The following POC1A variants were observed in gnomAD, a reference collection of about 807,000 sequenced individuals.
The protein encoded by POC1A is POC1 centriolar protein A, also known as POC1 centriolar protein homolog A.
Under a neutral mutation model 47.8 loss-of-function variants are expected in POC1A, and 34 were observed. That is an observed-to-expected ratio of 0.71 (90% CI 0.54 to 0.95). The LOEUF (loss-of-function observed/expected upper bound fraction) is 0.95, where lower values mean the gene tolerates loss of function less well. Among genes scored for constraint, POC1A ranks in the 40% least tolerant of loss-of-function variants. The pLI is 0.00. For missense variants in POC1A, 466 were observed against 528.3 expected (o/e 0.88, Z 1.16); for synonymous variants, 177 against 207.6 (o/e 0.85, Z 1.27).
intron 7 of POC1A, among the ~76,000 whole-genome samples, chr3:52,128,735 T>A (rs542402224): frequency 6.6e-6 from 1 of 152,308 alleles, no homozygotes; most frequent in East Asian, 1.9e-4. Flanking sequence ...TCAAACACCA[T>A]GATCTAGACA....
In POC1A at chr3:52,084,699, G is replaced by A. The variant is rs1166490242; in HGVS notation, c.1126-8714C>T. ...CTCTGGGGCAGCCCCTCTTCCCAGGGGCCTCCTGCTCACCTTGGCCAGGGC... is the reference window on the plus strand; with the variant it reads ...CTCTGGGGCAGCCCCTCTTCCCAGGAGCCTCCTGCTCACCTTGGCCAGGGC... On this transcript the variant is annotated intron_variant, in intron 10 of 10. Transcript: ENST00000296484. This position sits in a 1 kb window ranked among gnomAD's most constrained non-coding sequence, Gnocchi z 4.3. Among the ~76,000 whole-genome samples the A allele has an allele frequency of 1.3e-5, 2 of 152,292 alleles. No individual in the cohort carries two copies. The highest frequency in any genetic ancestry group is 3.9e-4 in the East Asian group (2 of 5,166).
Position 52,149,827 on chromosome 3 carries a change from C to A in POC1A, c.264G>T (p.Trp88Cys). 6.2e-7 allele frequency: 1 copy of A among 1,613,372 alleles called. No homozygotes were observed. The highest frequency in any genetic ancestry group is 1.7e-5 in the Admixed American group (1 of 59,944). Residue 88 changes from tryptophan to cysteine, a missense_variant, in exon 3 of 11, where the codon TGG (tryptophan) becomes TGT (cysteine). Physicochemically the swap from Trp to Cys is radical, Grantham distance 215 (BLOSUM62 -2). Coordinates refer to ENST00000296484, the MANE Select transcript of POC1A (RefSeq NM_015426.5). ...SGSRDKTVRI[W>C]VPNVKGESTV... is the part of the protein sequence containing the mutation. ...AGTGTACGACTCACACATTGGGTAC[C>A]CAGATGCGGACAGTCTTGTCTCGGG...
intron 1 of POC1A, 83 bp from the exon 2 acceptor site, chr3:52,151,183 G>A (rs556410663): frequency 7.9e-5 from 126 of 1,585,592 alleles, no homozygotes; most frequent in Non-Finnish European, 1.0e-4. Context: ...TACAACAGCC[G>A]GGGGAGTAGG....
At position 52,145,977 on chromosome 3, in the gene POC1A, C is replaced by T. The variant is rs1559851555; in HGVS notation, c.564-16G>A. On this transcript the variant is annotated splice_polypyrimidine_tract_variant and intron_variant, in intron 5 of 10. Coordinates refer to ENST00000296484, the MANE Select transcript of POC1A (RefSeq NM_015426.5). ...GGTGACAAAGCTGGAAAGACAGGGG[C>T]CACTATGCACTATAGGAGGTCTGCC... 3 of 1,480,130 alleles carry T rather than the reference C, an allele frequency of 2.0e-6. No individual in the cohort carries two copies. Among genetic ancestry groups the T allele is most frequent in the Non-Finnish European group, 2.8e-6 (3 of 1,058,642 alleles). The allele number at this position is 1,480,130 out of a possible 1,614,324, so 91.7% of individuals were successfully genotyped here. A position where few individuals can be genotyped will look rare whatever the true frequency, so the allele number is the denominator to read the frequency against.
chr3:52,152,459 A>G (rs1439416343), intron 1 of POC1A, among the ~76,000 whole-genome samples: 4 of 151,974 alleles, frequency 2.6e-5, no homozygotes, highest in Non-Finnish European at 4.4e-5. Flanking sequence ...AGTCCCAGCT[A>G]TTTGGGAGGC....
chr3:52,138,614 G>A (rs1270104934), intron 6 of POC1A, among the ~76,000 whole-genome samples: 1 of 152,218 alleles, frequency 6.6e-6, no homozygotes, highest in Non-Finnish European at 1.5e-5. Context: ...CGGTCAAGCT[G>A]GAGCAGAATA....
chr3:52,088,984 T>C (rs1275553979), intron 10 of POC1A, among the ~76,000 whole-genome samples: 6 of 150,214 alleles, frequency 4.0e-5, no homozygotes, highest in African/African-American at 1.5e-4. Context: ...GTCGAGCCCA[T>C]CTGGCAGGCA....
At chr3:52,103,044 A>G (rs1391105332) in intron 9 of POC1A, among the ~76,000 whole-genome samples, 2 of 152,256 alleles carry the variant, frequency 1.3e-5, no homozygotes, top group African/African-American at 4.8e-5. Context: ...GAATCCAGAA[A>G]CTCTAGACCA....
chr3:52,112,905 G>A (rs1162248311), intron 9 of POC1A, among the ~76,000 whole-genome samples: 1 of 152,202 alleles, frequency 6.6e-6, no homozygotes, highest in Non-Finnish European at 1.5e-5. Context: ...CTCCAAGTGA[G>A]TCCCTGGATC....
intron 10 of POC1A, among the ~76,000 whole-genome samples, chr3:52,093,528 C>T (rs1051780496): frequency 2.6e-5 from 4 of 152,210 alleles, no homozygotes; most frequent in African/African-American, 4.8e-5. Context: ...CAGCAGTGCA[C>T]GGCGTTGTCA....
intron 1 of POC1A, among the ~76,000 whole-genome samples, chr3:52,151,797 C>A (rs553874128): frequency 1.3e-5 from 2 of 151,774 alleles, no homozygotes; most frequent in Non-Finnish European, 2.9e-5. Context: ...ATTGATCTAC[C>A]GATTCCACAT....
chr3:52,125,319 T>C, intron 7 of POC1A, 138 bp from the exon 8 acceptor site: 1 of 679,628 alleles, frequency 1.5e-6, no homozygotes. Context: ...CAGTCCTCCG[T>C]AACCTGTAGC....
At chr3:52,102,785 T>C (rs1703043988) in intron 9 of POC1A, among the ~76,000 whole-genome samples, 1 of 152,210 alleles carries the variant, frequency 6.6e-6, no homozygotes, top group African/African-American at 2.4e-5. Flanking sequence ...AGATATATCA[T>C]GTTCACGTAT....
chr3:52,114,100 C>CTAGGG (rs1703476073), intron 9 of POC1A, among the ~76,000 whole-genome samples: 1 of 152,248 alleles, frequency 6.6e-6, no homozygotes, highest in African/African-American at 2.4e-5. Context: ...TCTGCTCAGA[C>CTAGGG]CAGCATACTA....
intron 4 of POC1A, 107 bp downstream of exon 4, chr3:52,149,103 A>G (rs1406535266): frequency 2.4e-6 from 2 of 846,558 alleles, no homozygotes; most frequent in Admixed American, 4.2e-5. Context: ...AGCTTAAACA[A>G]TGCCTAAGTA....
chr3:52,081,148 C>A (rs1305686122), intron 10 of POC1A, among the ~76,000 whole-genome samples: 2 of 152,236 alleles, frequency 1.3e-5, no homozygotes, highest in Admixed American at 6.5e-5. Flanking sequence ...CGAATGTATT[C>A]TGTTGTTTCT....
At position 52,091,694 on chromosome 3, in the gene POC1A, G is replaced by A. The variant is rs376007589; in HGVS notation, c.1125+4875C>T. Among the ~76,000 whole-genome samples, 5 of 152,326 alleles carry A rather than the reference G, an allele frequency of 3.3e-5. 1 individual carries two copies. The highest frequency in any genetic ancestry group is 1.2e-4 in the African/African-American group (5 of 41,576). ...TGGGACTTGAGTCCAGCGGTATGGG[G>A]ACTGTGGAATGTCCACTCCTGTCAT... is the stretch of plus-strand genomic sequence containing the variant. On this transcript the variant is annotated intron_variant, in intron 10 of 10. Transcript: ENST00000296484.
At chr3:52,145,453 T>A (rs937075949) in intron 6 of POC1A, among the ~76,000 whole-genome samples, 1 of 152,196 alleles carries the variant, frequency 6.6e-6, no homozygotes, top group Non-Finnish European at 1.5e-5. Context: ...GGTCAAGGGC[T>A]GTCACCTTGG....
At chr3:52,118,679 G>A (rs971927247) in intron 9 of POC1A, among the ~76,000 whole-genome samples, 5 of 152,226 alleles carry the variant, frequency 3.3e-5, no homozygotes, top group African/African-American at 1.2e-4. Context: ...ACGCTGGAAT[G>A]GGGACATGGT....
Sources: allele counts gnomAD v4.1 joint callset (sites outside exome capture counted in the v4.1 genomes callset), GRCh38; gene constraint gnomAD v4.1.1; non-coding constraint Gnocchi (gnomAD v3.1); transcripts MANE v1.5; gene names NCBI Gene and HGNC (gene_info 2026-07-23, HGNC 2026-07-21).